HMCN1: variants seen among roughly 807,000 people sequenced by gnomAD.
HMCN1 encodes hemicentin-1.
In HMCN1, 321 loss-of-function variants were observed where a neutral mutation model predicts 625.9. That is an observed-to-expected ratio of 0.51 (90% CI 0.47 to 0.56). The LOEUF (loss-of-function observed/expected upper bound fraction) is 0.56, where lower values mean the gene tolerates loss of function less well. Among genes scored for constraint, HMCN1 ranks in the 20% least tolerant of loss-of-function variants. HMCN1 has a pLI of 0.00. For missense variants in HMCN1, 6,588 were observed against 6,887.3 expected, an observed-to-expected ratio of 0.96 and a Z score of 1.54; for synonymous variants, 2,425 against 2,417.6, an observed-to-expected ratio of 1.00 and a Z score of -0.09.
At chr1:186,070,437 TTG>T (rs1459717064) in intron 51 of HMCN1, among the ~76,000 whole-genome samples, 173 bp from the exon 52 acceptor site, 1 of 152,160 alleles carries the variant, frequency 6.6e-6, no homozygotes, top group Non-Finnish European at 1.5e-5. Context: ...CTGTTCCATC[TTG>T]TATTTGAACA....
At chr1:185,843,825 A>G (rs1210084947) in intron 1 of HMCN1, among the ~76,000 whole-genome samples, 1 of 152,126 alleles carries the variant, frequency 6.6e-6, no homozygotes, top group African/African-American at 2.4e-5. Flanking sequence ...AAGATTTCCT[A>G]TCTTTGTTGA....
chr1:186,158,543 T>G (rs1331582906), intron 97 of HMCN1, among the ~76,000 whole-genome samples: 1 of 152,232 alleles, frequency 6.6e-6, no homozygotes, highest in Non-Finnish European at 1.5e-5. Flanking sequence ...TGCCTAGGTT[T>G]TCTTCTAGGG....
intron 30 of HMCN1, among the ~76,000 whole-genome samples, chr1:186,009,956 T>G (rs1653885622): frequency 1.3e-5 from 2 of 152,038 alleles, no homozygotes; most frequent in Admixed American, 1.3e-4. Flanking sequence ...ATTAGTTGGA[T>G]TCTCACGAGA....
Position 186,130,610 on chromosome 1 carries a change from C to T in HMCN1, c.13143C>T (p.Ile4381=), listed in dbSNP as rs1661880603. The T allele has an allele frequency of 6.2e-7, 1 of 1,613,564 alleles. No individual in the cohort carries two copies. Among genetic ancestry groups the T allele is most frequent in the Non-Finnish European group, 8.5e-7 (1 of 1,179,654 alleles). ...CEVKGDPTPT[I]QWNRKGVDIE... ...TGAAAGGAGACCCCACCCCAACCAT[C>T]CAGTGGAACAGAAAGGGAGTGGATA... The change falls in exon 85 of 107, where the codon ATC becomes ATT. Residue 4381 remains isoleucine, a synonymous_variant. Transcript: ENST00000271588.
intron 69 of HMCN1, among the ~76,000 whole-genome samples, chr1:186,105,657 A>G (rs1660575600): frequency 6.6e-6 from 1 of 152,258 alleles, no homozygotes; most frequent in Non-Finnish European, 1.5e-5. Flanking sequence ...TACATGCTTA[A>G]CTATAATTTT....
chr1:186,044,657 A>C (rs1037918497), intron 40 of HMCN1, among the ~76,000 whole-genome samples: 1 of 152,178 alleles, frequency 6.6e-6, no homozygotes, highest in African/African-American at 2.4e-5. Context: ...GTAACTAAAA[A>C]AATGCTACAA....
chr1:185,926,889 A>G (rs1017155591), intron 9 of HMCN1, among the ~76,000 whole-genome samples: 1 of 152,178 alleles, frequency 6.6e-6, no homozygotes, highest in African/African-American at 2.4e-5. Context: ...TCCAAAGTCT[A>G]CCCTTCAAAA....
chr1:185,976,438 G>T (rs537091627), intron 15 of HMCN1, among the ~76,000 whole-genome samples: 74 of 152,266 alleles, frequency 4.9e-4, no homozygotes, highest in African/African-American at 1.7e-3. Flanking sequence ...CATTAATGCT[G>T]CTTGAGAGAC....
chr1:186,169,766 C>CT (rs1652104181), intron 100 of HMCN1, among the ~76,000 whole-genome samples: 1 of 152,134 alleles, frequency 6.6e-6, no homozygotes, highest in African/African-American at 2.4e-5. Context: ...AGGACACAGG[C>CT]ATAGGCAAAG....
chr1:185,851,444 A>C (rs1662155313), intron 2 of HMCN1, among the ~76,000 whole-genome samples: 1 of 152,110 alleles, frequency 6.6e-6, no homozygotes, highest in African/African-American at 2.4e-5. Context: ...TCCAGGAAAA[A>C]ATTAGCAAAA....
intron 46 of HMCN1, among the ~76,000 whole-genome samples, chr1:186,058,403 C>T (rs1258626827): frequency 1.3e-5 from 2 of 151,868 alleles, no homozygotes; most frequent in African/African-American, 2.4e-5. Context: ...GCACTATAAA[C>T]TTAGCAGAAC....
At chr1:185,837,060 T>C (rs577910030) in intron 1 of HMCN1, among the ~76,000 whole-genome samples, 21 of 150,240 alleles carry the variant, frequency 1.4e-4, no homozygotes, top group African/African-American at 5.1e-4. Context: ...TAAATATATA[T>C]ATATGTGTCA....
chr1:185,893,615 A>G (rs962111089), intron 4 of HMCN1, among the ~76,000 whole-genome samples: 13 of 152,026 alleles, frequency 8.6e-5, no homozygotes, highest in Non-Finnish European at 1.3e-4. Flanking sequence ...TTTTTTTTCC[A>G]TCTTACTCCC....
intron 15 of HMCN1, among the ~76,000 whole-genome samples, chr1:185,975,502 C>T (rs985955099): frequency 1.3e-5 from 2 of 152,058 alleles, no homozygotes; most frequent in Non-Finnish European, 2.9e-5. Context: ...AGGGGGCAAT[C>T]TGCCCCTATG....
intron 3 of HMCN1, among the ~76,000 whole-genome samples, chr1:185,865,114 T>C (rs986438364): frequency 6.6e-6 from 1 of 152,234 alleles, no homozygotes; most frequent in African/African-American, 2.4e-5. Flanking sequence ...GTCTAGGGAA[T>C]AGTGTGGGTT....
intron 100 of HMCN1, among the ~76,000 whole-genome samples, chr1:186,169,990 C>A (rs553720032): frequency 4.5e-4 from 68 of 149,828 alleles, no homozygotes; most frequent in South Asian, 1.7e-3. Context: ...AAAAAAAAAA[C>A]CATCAAAAAG....
chr1:185,987,321 A>G, intron 19 of HMCN1, 111 bp from the exon 20 acceptor site: 1 of 758,604 alleles, frequency 1.3e-6, no homozygotes, highest in South Asian at 1.4e-5. Flanking sequence ...ATGTTAAATA[A>G]TTGCTCATTT....
At chr1:185,828,494 C>A (rs1660659472) in intron 1 of HMCN1, among the ~76,000 whole-genome samples, 2 of 152,154 alleles carry the variant, frequency 1.3e-5, no homozygotes, top group South Asian at 4.1e-4. Context: ...CTTGAATTTT[C>A]TTCCATAGTT....
chr1:185,895,060 A>T (rs1665409433), intron 4 of HMCN1, among the ~76,000 whole-genome samples: 1 of 151,908 alleles, frequency 6.6e-6, no homozygotes, highest in Non-Finnish European at 1.5e-5. Flanking sequence ...GGGGTGACTT[A>T]ACATTTTGTT....
Sources: gnomAD v4.1 joint callset for allele counts (sites outside exome capture counted in the v4.1 genomes callset) on GRCh38, gnomAD v4.1.1 for gene constraint, MANE v1.5 for transcripts, NCBI Gene and HGNC (gene_info 2026-07-23, HGNC 2026-07-21) for gene names.